Variants in MED6 observed in about 807,000 individuals in gnomAD.
MED6 encodes mediator of RNA polymerase II transcription subunit 6.
MED6 carries 33 observed loss-of-function variants against 37.5 expected under a neutral mutation model. The ratio of observed to expected loss-of-function variants is 0.88; its 90% CI spans 0.67 to 1.18. The LOEUF (loss-of-function observed/expected upper bound fraction) is 1.18, where lower values mean the gene tolerates loss of function less well. MED6 is among the 50% of genes most tolerant of loss of function. MED6 has a pLI of 0.00. For synonymous variants in MED6, 94 were observed against 93.6 expected (o/e 1.00, Z -0.02); for missense variants, 235 against 290.6 (o/e 0.81, Z 1.39).
chr14:70,589,290 C>T (rs1191095127), intron 6 of MED6, among the ~76,000 whole-genome samples: 3 of 152,156 alleles, frequency 2.0e-5, no homozygotes, highest in Non-Finnish European at 2.9e-5. Context: ...TATCCTATGG[C>T]CACAGAATTC....
chr14:70,586,034 T>C (rs1013213875), intron 6 of MED6, among the ~76,000 whole-genome samples: 1 of 152,138 alleles, frequency 6.6e-6, no homozygotes, highest in African/African-American at 2.4e-5. Context: ...CAACCAACCA[T>C]AAAAACACTT....
intron 2 of MED6, 77 bp downstream of exon 2, chr14:70,597,541 A>G: frequency 7.7e-7 from 1 of 1,295,216 alleles, no homozygotes; most frequent in Non-Finnish European, 1.0e-6. Flanking sequence ...TCTGCACTTC[A>G]TGATCCACAG....
intron 6 of MED6, among the ~76,000 whole-genome samples, chr14:70,586,623 T>A (rs149800358): frequency 1.3e-5 from 2 of 152,346 alleles, no homozygotes; most frequent in East Asian, 3.9e-4. Flanking sequence ...TCTCTTCACT[T>A]CTAATGCCTC....
chr14:70,588,469 A>T (rs1469582025), intron 6 of MED6, among the ~76,000 whole-genome samples: 5 of 151,896 alleles, frequency 3.3e-5, no homozygotes, highest in Non-Finnish European at 7.4e-5. Context: ...GCAGATCACG[A>T]GGTCAGGAGA....
In MED6 at chr14:70,591,381, T is replaced by C. The variant is rs760482621; in HGVS notation, c.467A>G (p.Asp156Gly). ...WWHFKDHEEQ[D>G]KVRPKAKRKE... is the part of the protein sequence containing the mutation. ...CCTTTTGGCTTTAGGTCTGACTTTA[T>C]CTATTAAAATACGAAGTCCAAATCA... Residue 156 changes from aspartate to glycine, a missense_variant and splice_region_variant, in exon 6 of 8, where the codon GAT (aspartate) becomes GGT (glycine). Coordinates refer to ENST00000256379, the MANE Select transcript of MED6 (RefSeq NM_005466.4). The C allele has an allele frequency of 1.9e-6, 3 of 1,596,360 alleles. No individual in the cohort carries two copies. In the South Asian group the frequency reaches 3.4e-5, roughly 18 times the overall value.
In MED6 at chr14:70,597,611, A is replaced by G; in HGVS notation, c.182+7T>C. The stretch of plus-strand genomic sequence containing the variant: ...GGAAAAAGTGCCACCTTCTTAAAAT[A>G]ACTTACTTCAAGTGTTCTAATGTTA... On this transcript the variant is annotated splice_region_variant and intron_variant, in intron 2 of 7. Transcript: ENST00000256379. 6.9e-7 allele frequency: 1 copy of G among 1,445,238 alleles called. No individual in the cohort carries two copies. The highest frequency in any genetic ancestry group is 1.6e-5 in the South Asian group (1 of 63,704). The allele number at this position is 1,445,238 out of a possible 1,614,324, so 89.5% of individuals were successfully genotyped here.
chr14:70,599,248 T>C (rs988322383), intron 1 of MED6, among the ~76,000 whole-genome samples: 2 of 152,062 alleles, frequency 1.3e-5, no homozygotes, highest in African/African-American at 4.8e-5. Flanking sequence ...AAAGGTAAAA[T>C]GTACTTTGTG....
rs1884685894 is a variant in MED6 at position 70,585,681 on chromosome 14, A to T, written c.610+75T>A. On this transcript the variant is annotated intron_variant, in intron 7 of 7. Coordinates refer to ENST00000256379, the MANE Select transcript of MED6 (RefSeq NM_005466.4). ...ACAAAATGACCACAGCTCATTTCAC[A>T]TGCTATACTTGTGATTGATTTACAA... 3.0e-6 allele frequency: 4 copies of T among 1,315,164 alleles called. No individual in the cohort carries two copies. The East Asian group carries it at 1.0e-4, about 34-fold the overall frequency. 81.5% of individuals were successfully genotyped at this position (1,315,164 alleles called of 1,614,324 possible). A position where few individuals can be genotyped will look rare whatever the true frequency, so the allele number is the denominator to read the frequency against.
At position 70,584,340 on chromosome 14, in the gene MED6, T is replaced by A. The variant is rs1595044576; in HGVS notation, c.*473A>T. On this transcript the variant is annotated 3_prime_UTR_variant, in exon 8 of 8. Transcript: ENST00000256379. ...GAGAGGAAAGGTTACAGAAGACATA[T>A]AACAAATATTCACAAGAAATCATGA... is the stretch of plus-strand genomic sequence containing the variant. The A allele has an allele frequency of 2.0e-6, 1 of 498,984 alleles. No individual in the cohort carries two copies. 30.9% of individuals were successfully genotyped at this position (498,984 alleles called of 1,614,324 possible). A position where few individuals can be genotyped will look rare whatever the true frequency, so the allele number is the denominator to read the frequency against.
chr14:70,593,269 G>C (rs1485905477), intron 4 of MED6, 27 bp downstream of exon 4: 1 of 1,578,046 alleles, frequency 6.3e-7, no homozygotes, highest in Non-Finnish European at 8.7e-7. Flanking sequence ...GTTTTCTTTA[G>C]TGCTTAAAGA....
In MED6 at chr14:70,593,374, G is replaced by C; in HGVS notation, c.279C>G (p.Ile93Met). ...CAATGATATAGTAATCAGCTAGTGG[G>C]ATAACTAAAACAGTGGGAAAAAAGG... Reference protein sequence around the residue: ...KQQRQSPAQVIPLADYYIIAG... With the variant: ...KQQRQSPAQVMPLADYYIIAG... The change falls in exon 4 of 8, where the codon ATC becomes ATG. Residue 93 changes from isoleucine to methionine, a missense_variant. Ile to Met is a conservative substitution (Grantham distance 10). Transcript: ENST00000256379. The C allele has an allele frequency of 6.2e-7, 1 of 1,612,200 alleles. No individual in the cohort carries two copies. The highest frequency in any genetic ancestry group is 2.2e-5 in the East Asian group (1 of 44,836).
rs1216609371 is a variant in MED6, at chr14:70,591,252, C to A, written c.582+14G>T. 4 of 1,574,812 alleles carry A rather than the reference C, an allele frequency of 2.5e-6. No individual in the cohort carries two copies. The South Asian group carries it at 3.4e-5, about 13-fold the overall frequency. Reference sequence around the variant, plus strand: ...AAGTGTCAAATCAAGATTAACCACACATATTCTCATTACCTGCACAAATTT... The same window carrying A: ...AAGTGTCAAATCAAGATTAACCACAAATATTCTCATTACCTGCACAAATTT... On this transcript the variant is annotated intron_variant, in intron 6 of 7. Transcript: ENST00000256379.
chr14:70,600,474 C>T, intron 1 of MED6, 142 bp downstream of exon 1: 1 of 746,098 alleles, frequency 1.3e-6, no homozygotes, highest in Non-Finnish European at 2.0e-6. Flanking sequence ...TTCGCTAGAT[C>T]ACAGCCTTGG....
intron 6 of MED6, among the ~76,000 whole-genome samples, 185 bp downstream of exon 6, chr14:70,591,081 C>G (rs76250836): frequency 1.0e-3 from 159 of 152,318 alleles, no homozygotes; most frequent in Non-Finnish European, 1.7e-3. Flanking sequence ...AGTGTTAATT[C>G]CATTCCATTT....
intron 6 of MED6, among the ~76,000 whole-genome samples, chr14:70,586,089 C>A (rs1884698871): frequency 6.6e-6 from 1 of 152,144 alleles, no homozygotes; most frequent in Non-Finnish European, 1.5e-5. Flanking sequence ...GGCTACAATG[C>A]TTTATAAAAA....
chr14:70,592,474 GTTCCTTTTT>G, intron 5 of MED6: 1 of 112,614 alleles, frequency 8.9e-6, no homozygotes, highest in East Asian at 2.9e-4. Context: ...TCTCTCCTAT[GTTCCTTTTT>G]TTTTTTTTTT....
intron 3 of MED6, chr14:70,594,704 C>A: frequency 2.2e-6 from 1 of 459,788 alleles, no homozygotes; most frequent in East Asian, 4.8e-5. Flanking sequence ...CCCGCTCCAC[C>A]GGTTTCCAGG....
chr14:70,584,744 C>T lies in MED6; in HGVS notation c.*69G>A, dbSNP rs1277844142. The T allele has an allele frequency of 1.3e-6, 2 of 1,535,350 alleles. No homozygotes were observed. The highest frequency in any genetic ancestry group is 1.8e-6 in the Non-Finnish European group (2 of 1,141,012). ...GGTTACAATAAAGTACTTCAAAGCT[C>T]AAGAGCCACAGTACTGAGGTATGAT... On this transcript the variant is annotated 3_prime_UTR_variant, in exon 8 of 8. Coordinates refer to ENST00000256379, the MANE Select transcript of MED6 (RefSeq NM_005466.4).
At chr14:70,598,589 T>A (rs544443744) in intron 1 of MED6, among the ~76,000 whole-genome samples, 1 of 151,894 alleles carries the variant, frequency 6.6e-6, no homozygotes, top group Non-Finnish European at 1.5e-5. Flanking sequence ...AAAGAATAAA[T>A]AAAAACTTAC....
Sources: gnomAD v4.1 joint callset for allele counts (sites outside exome capture counted in the v4.1 genomes callset) on GRCh38, gnomAD v4.1.1 for gene constraint, MANE v1.5 for transcripts, NCBI Gene and HGNC (gene_info 2026-07-23, HGNC 2026-07-21) for gene names.